Variants in LHFPL6 observed in about 807,000 individuals in gnomAD.
The protein encoded by LHFPL6 is LHFPL tetraspan subfamily member 6, also known as LHFPL tetraspan subfamily member 6 protein.
A neutral mutation model predicts 20.6 loss-of-function variants in LHFPL6; 9 were observed. The observed-to-expected ratio is 0.44, with a 90% CI of 0.26 to 0.76. The LOEUF is 0.76. Among genes scored for constraint, LHFPL6 ranks in the 30% least tolerant of loss-of-function variants. The pLI is 0.20. For missense variants in LHFPL6, 218 were observed against 253.5 expected (o/e 0.86, Z 0.95); for synonymous variants, 105 against 98.7 (o/e 1.06, Z -0.38).
chr13:39,430,083 T>C (rs1470466743), intron 2 of LHFPL6, among the ~76,000 whole-genome samples: 3 of 152,212 alleles, frequency 2.0e-5, no homozygotes, highest in African/African-American at 7.2e-5. Context: ...GCACACTCAT[T>C]TCTTTAGTGA....
At chr13:39,426,448 G>A (rs1287289643) in intron 2 of LHFPL6, among the ~76,000 whole-genome samples, 1 of 152,050 alleles carries the variant, frequency 6.6e-6, no homozygotes, top group Non-Finnish European at 1.5e-5. Flanking sequence ...TCGAACTCCC[G>A]ACCTCAGGTG....
intron 2 of LHFPL6, among the ~76,000 whole-genome samples, chr13:39,424,265 A>G (rs1871581202): frequency 2.0e-5 from 3 of 152,350 alleles, no homozygotes; most frequent in African/African-American, 4.8e-5. Context: ...AATTAGAAGT[A>G]GATTTCCATC....
intron 3 of LHFPL6, among the ~76,000 whole-genome samples, chr13:39,359,734 T>C (rs1869828720): frequency 6.6e-6 from 1 of 151,878 alleles, no homozygotes; most frequent in Non-Finnish European, 1.5e-5. Context: ...TCACACAATA[T>C]ACCTCTGTAA....
intron 2 of LHFPL6, among the ~76,000 whole-genome samples, chr13:39,484,160 G>A (rs761500148): frequency 2.0e-5 from 3 of 151,982 alleles, no homozygotes; most frequent in South Asian, 2.1e-4. Flanking sequence ...TTCTCCACCC[G>A]GTTTCAGATT....
intron 2 of LHFPL6, among the ~76,000 whole-genome samples, chr13:39,422,661 A>G (rs555126942): frequency 6.6e-6 from 1 of 152,162 alleles, no homozygotes; most frequent in Non-Finnish European, 1.5e-5. Context: ...TTATAAAAAT[A>G]CACTCTTTTA....
intron 2 of LHFPL6, among the ~76,000 whole-genome samples, chr13:39,428,287 A>C (rs1234209277): frequency 6.6e-6 from 1 of 152,236 alleles, no homozygotes; most frequent in Non-Finnish European, 1.5e-5. Flanking sequence ...TTGTAGAATT[A>C]ATATTACTTT....
chr13:39,413,155 A>G (rs1447049809), intron 2 of LHFPL6, among the ~76,000 whole-genome samples: 1 of 152,204 alleles, frequency 6.6e-6, no homozygotes, highest in Admixed American at 6.5e-5. Flanking sequence ...CATATTGTGG[A>G]CTTTCAAAAG....
chr13:39,404,042 C>T (rs976114749), intron 2 of LHFPL6, among the ~76,000 whole-genome samples: 2 of 152,136 alleles, frequency 1.3e-5, no homozygotes, highest in Admixed American at 6.5e-5. Context: ...CTTACCTGGA[C>T]GTATAGAGAG....
chr13:39,382,796 C>A (rs1176825634), intron 2 of LHFPL6, among the ~76,000 whole-genome samples: 5 of 152,126 alleles, frequency 3.3e-5, no homozygotes, highest in Admixed American at 6.5e-5. Context: ...CATATGCTCA[C>A]ATGTTTAAAA....
intron 2 of LHFPL6, among the ~76,000 whole-genome samples, chr13:39,516,653 C>T (rs200550852): frequency 7.2e-5 from 11 of 152,168 alleles, no homozygotes; most frequent in East Asian, 1.9e-4. Flanking sequence ...AAAGAAAACT[C>T]GTCTGAGCTA....
intron 3 of LHFPL6, among the ~76,000 whole-genome samples, chr13:39,362,737 T>G (rs778166010): frequency 6.6e-6 from 1 of 152,254 alleles, no homozygotes; most frequent in Non-Finnish European, 1.5e-5. Flanking sequence ...ACATCCCATC[T>G]AACACAAAAC....
chr13:39,601,027 T>C lies in LHFPL6; in HGVS notation c.190A>G (p.Met64Val). Residue 64 changes from methionine to valine, a missense_variant, in exon 2 of 4, where the codon ATG becomes GTG. Met to Val is a conservative substitution (Grantham distance 21). Coordinates refer to ENST00000379589, the MANE Select transcript of LHFPL6 (RefSeq NM_005780.3). ...GCATAGCGCCCACATTCCTCCACCA[T>C]CACCATCATCTGCCGACTCTCATCA... ...VHDESRQMMV[M>V]VEECGRYASF... 1.9e-6 allele frequency: 3 copies of C among 1,614,066 alleles called. No individual in the cohort carries two copies. The highest frequency in any genetic ancestry group is 2.5e-6 in the Non-Finnish European group (3 of 1,180,024).
chr13:39,470,243 A>G (rs1300098144), intron 2 of LHFPL6, among the ~76,000 whole-genome samples: 1 of 152,228 alleles, frequency 6.6e-6, no homozygotes, highest in Non-Finnish European at 1.5e-5. Flanking sequence ...TTTGTGCTGG[A>G]TATATTCAAA....
chr13:39,348,430 C>T (rs60526930), intron 3 of LHFPL6, among the ~76,000 whole-genome samples: 3 of 152,170 alleles, frequency 2.0e-5, no homozygotes, highest in East Asian at 1.9e-4. Flanking sequence ...TTCTTCCCTC[C>T]GGGTGGAACA....
chr13:39,498,459 G>A (rs993817624), intron 2 of LHFPL6, among the ~76,000 whole-genome samples: 1 of 152,162 alleles, frequency 6.6e-6, no homozygotes, highest in African/African-American at 2.4e-5. Context: ...GGGGTATCAG[G>A]ATCCTTTTTA....
intron 2 of LHFPL6, among the ~76,000 whole-genome samples, chr13:39,418,019 A>T (rs1199837962): frequency 6.6e-6 from 1 of 152,192 alleles, no homozygotes; most frequent in Non-Finnish European, 1.5e-5. Flanking sequence ...CATCAAAACA[A>T]GGCATTTCAC....
chr13:39,417,749 G>A (rs973709652), intron 2 of LHFPL6, among the ~76,000 whole-genome samples: 4 of 151,170 alleles, frequency 2.6e-5, no homozygotes, highest in Middle Eastern at 3.6e-3. Context: ...CGGAGCTCCT[G>A]GGCCGGGGCA....
intron 2 of LHFPL6, among the ~76,000 whole-genome samples, chr13:39,500,545 G>A (rs4943670): frequency 0.66 from 100,462 of 151,998 alleles, 33,428 homozygotes; most frequent in East Asian, 0.85. Flanking sequence ...ATAAGCCACC[G>A]TGCCCGGCCC....
intron 2 of LHFPL6, among the ~76,000 whole-genome samples, chr13:39,578,210 G>C (rs1872176664): frequency 6.6e-6 from 1 of 152,038 alleles, no homozygotes; most frequent in South Asian, 2.1e-4. Flanking sequence ...TAAAGTAAAT[G>C]GTTGAATCAA....
Sources: gnomAD v4.1 joint callset for allele counts (sites outside exome capture counted in the v4.1 genomes callset) on GRCh38, gnomAD v4.1.1 for gene constraint, MANE v1.5 for transcripts, NCBI Gene and HGNC (gene_info 2026-07-23, HGNC 2026-07-21) for gene names.